The following ARSB variants were observed in gnomAD, a reference collection of about 807,000 sequenced individuals.
ARSB encodes the protein arylsulfatase B.
A neutral mutation model predicts 50.9 loss-of-function variants in ARSB; 41 were observed. The ratio of observed to expected loss-of-function variants is 0.81; its 90% confidence interval spans 0.63 to 1.04. The LOEUF (loss-of-function observed/expected upper bound fraction) is 1.04, where lower values mean the gene tolerates loss of function less well. ARSB is among the 50% of genes least tolerant of loss of function. The pLI, the probability that ARSB is intolerant of heterozygous loss-of-function variation, is 0.00. For missense variants in ARSB, 672 were observed against 693.3 expected (o/e 0.97, Z 0.35); for synonymous variants, 269 against 284.8 (o/e 0.94, Z 0.56).
At chr5:78,955,047 C>T (rs1246331035) in intron 4 of ARSB, among the ~76,000 whole-genome samples, 1 of 152,168 alleles carries the variant, frequency 6.6e-6, no homozygotes, top group Admixed American at 6.5e-5. Context: ...CTCATACTTA[C>T]TCAGTTAGTG....
At chr5:78,924,216 A>C (rs1160642882) in intron 4 of ARSB, among the ~76,000 whole-genome samples, 3 of 152,216 alleles carry the variant, frequency 2.0e-5, no homozygotes, top group Admixed American at 6.5e-5. Context: ...TCTCTCATTT[A>C]ATCCTCACAA....
chr5:78,895,956 C>T (rs778031877), intron 4 of ARSB, among the ~76,000 whole-genome samples: 6 of 152,076 alleles, frequency 3.9e-5, no homozygotes, highest in East Asian at 1.9e-4. Flanking sequence ...AAATAATGGA[C>T]GGAGGGATAC....
intron 1 of ARSB, among the ~76,000 whole-genome samples, chr5:78,983,273 C>T (rs536557862): frequency 6.6e-6 from 1 of 152,212 alleles, no homozygotes; most frequent in Non-Finnish European, 1.5e-5. Flanking sequence ...AGGCTGGTCT[C>T]GAACTCCTGA....
chr5:78,845,969 T>C (rs1745426314), intron 5 of ARSB, among the ~76,000 whole-genome samples: 1 of 152,180 alleles, frequency 6.6e-6, no homozygotes, highest in Admixed American at 6.5e-5. Flanking sequence ...ACCAATGTTC[T>C]GAAGCATTTC....
chr5:78,866,851 C>A (rs539468548), intron 5 of ARSB, among the ~76,000 whole-genome samples: 1 of 152,354 alleles, frequency 6.6e-6, no homozygotes, highest in African/African-American at 2.4e-5. Flanking sequence ...CGGTCTACGG[C>A]TCCCAGCATG....
chr5:78,819,001 C>T (rs1744110291), intron 6 of ARSB, among the ~76,000 whole-genome samples: 1 of 152,154 alleles, frequency 6.6e-6, no homozygotes, highest in South Asian at 2.1e-4. Flanking sequence ...GGGGCCTGCA[C>T]AGTGAGCAGT....
chr5:78,848,896 T>C (rs1267763036), intron 5 of ARSB, among the ~76,000 whole-genome samples: 1 of 139,696 alleles, frequency 7.2e-6, no homozygotes, highest in East Asian at 2.0e-4. Context: ...TCATATCCTT[T>C]GCCCACTTGT....
At position 78,984,931 on chromosome 5, in the gene ARSB, G is replaced by C. The variant is rs748253272; in HGVS notation, c.312+6C>G. 5 of 1,366,006 alleles carry C rather than the reference G, an allele frequency of 3.7e-6. No individual in the cohort carries two copies. The South Asian group carries it at 9.6e-5, about 26-fold the overall frequency. The allele number at this position is 1,366,006 out of a possible 1,614,324, so 84.6% of individuals were successfully genotyped here. ...GGGCGGCGCGGGCGGCGGGGGCGCC[G>C]CGTACCTGGTAGCGGCCAGTGAGCA... On this transcript the variant is annotated splice_donor_region_variant and intron_variant, in intron 1 of 7. Transcript: ENST00000264914.
intron 4 of ARSB, among the ~76,000 whole-genome samples, chr5:78,896,066 A>G (rs1408436725): frequency 1.3e-5 from 2 of 152,182 alleles, no homozygotes; most frequent in East Asian, 3.9e-4. Context: ...ATAGTGTGGC[A>G]GCAGCAGATG....
At position 78,969,143 on chromosome 5, in the gene ARSB, C is replaced by T; in HGVS notation, c.362G>A (p.Cys121Tyr). 6.2e-7 allele frequency: 1 copy of T among 1,614,186 alleles called. No individual in the cohort carries two copies. Among genetic ancestry groups the T allele is most frequent in the Non-Finnish European group, 8.5e-7 (1 of 1,180,044 alleles). Reference sequence around the variant, plus strand: ...CAGGAGTTTTTCATCCAGAGGAACACAGCTGGGCTGACAGGGCCAGATTAT... The same window carrying T: ...CAGGAGTTTTTCATCCAGAGGAACATAGCTGGGCTGACAGGGCCAGATTAT... ...HQIIWPCQPS[C>Y]VPLDEKLLPQ... is the part of the protein sequence containing the mutation. The change falls in exon 2 of 8, where the codon TGT becomes TAT. Residue 121 changes from cysteine to tyrosine, a missense_variant. Physicochemically the swap from Cys to Tyr is radical, Grantham distance 194. Transcript: ENST00000264914.
chr5:78,867,319 G>C lies in ARSB; in HGVS notation c.1142+18265C>G, dbSNP rs535864704. 5.9e-5 allele frequency among the ~76,000 whole-genome samples: 9 copies of C among 151,792 alleles called. 1 individual carries two copies. Among genetic ancestry groups the C allele is most frequent in the South Asian group, 4.2e-4 (2 of 4,806 alleles). On this transcript the variant is annotated intron_variant, in intron 5 of 7. Transcript: ENST00000264914. ...CTCGAACTGGGTGGAGCCCACCACA[G>C]CTCAAGGAGGCCTGCCTGCCTCTGT...
At chr5:78,930,899 C>T (rs1201965119) in intron 4 of ARSB, among the ~76,000 whole-genome samples, 1 of 152,222 alleles carries the variant, frequency 6.6e-6, no homozygotes, top group Non-Finnish European at 1.5e-5. Flanking sequence ...TTAGGCACTG[C>T]GTTCCCAGGC....
intron 4 of ARSB, among the ~76,000 whole-genome samples, chr5:78,918,782 CA>C (rs1245577420): frequency 2.6e-5 from 4 of 152,146 alleles, no homozygotes; most frequent in African/African-American, 9.7e-5. Flanking sequence ...TTAGCAAGAA[CA>C]TTTTTTTCTC....
rs1418474720 is a variant in ARSB at position 78,984,976 on chromosome 5, G to A, written c.273C>T (p.Cys91=). The change falls in exon 1 of 8, where the codon TGC becomes TGT. Residue 91 remains cysteine (C), a synonymous_variant. Transcript: ENST00000264914. ...TGAGCAGCTGGCTCCGCGACGGCGT[G>A]CACAGCGGCTGCGTGTAGTAGTTGT... ...LLDNYYTQPL[C]TPSRSQLLTG... is the part of the protein sequence containing the mutation. 6 of 1,514,772 alleles carry A rather than the reference G, an allele frequency of 4.0e-6. No homozygotes were observed. The highest frequency in any genetic ancestry group is 2.7e-5 in the East Asian group (1 of 36,520). 93.8% of individuals were successfully genotyped at this position (1,514,772 alleles called of 1,614,324 possible).
At chr5:78,808,807 G>A (rs1344420755) in intron 6 of ARSB, among the ~76,000 whole-genome samples, 3 of 152,202 alleles carry the variant, frequency 2.0e-5, no homozygotes, top group African/African-American at 7.2e-5. Flanking sequence ...TTGCAGTGAT[G>A]CTGGAGGGAC....
intron 4 of ARSB, among the ~76,000 whole-genome samples, chr5:78,950,448 T>C (rs1751447642): frequency 1.3e-5 from 2 of 152,138 alleles, no homozygotes; most frequent in South Asian, 4.1e-4. Flanking sequence ...AGAGGAGAAT[T>C]ATTACCTCCT....
intron 4 of ARSB, among the ~76,000 whole-genome samples, chr5:78,924,486 T>A (rs372483853): frequency 4.6e-5 from 7 of 152,326 alleles, no homozygotes; most frequent in Middle Eastern, 3.4e-3. Context: ...TATAGCCAGC[T>A]CAGCCTCCTA....
rs562076169 is a variant in ARSB, at chr5:78,834,625, A to G, written c.1213+4731T>C. On this transcript the variant is annotated intron_variant, in intron 6 of 7. Transcript: ENST00000264914. ...TATATGTGTATATATATATATATAT[A>G]TATATATATATATATATATATGCCA... 1.7e-4 allele frequency among the ~76,000 whole-genome samples: 22 copies of G among 127,994 alleles called. 1 individual carries two copies. The highest frequency in any genetic ancestry group is 1.4e-3 in the East Asian group (6 of 4,382). 84.0% of individuals were successfully genotyped at this position (127,994 alleles called of 152,430 possible).
At chr5:78,905,879 A>G (rs1478193024) in intron 4 of ARSB, among the ~76,000 whole-genome samples, 1 of 148,306 alleles carries the variant, frequency 6.7e-6, no homozygotes, top group Non-Finnish European at 1.5e-5. Flanking sequence ...GCACTTCTGC[A>G]TAACTGAGGT....
Sources: allele counts gnomAD v4.1 joint callset (sites outside exome capture counted in the v4.1 genomes callset), GRCh38; gene constraint gnomAD v4.1.1; transcripts MANE v1.5; gene names NCBI Gene and HGNC (gene_info 2026-07-23, HGNC 2026-07-21).